Variants in ACBD6 observed in about 807,000 individuals in gnomAD.
ACBD6 encodes acyl-CoA binding domain containing 6.
A neutral mutation model predicts 37.2 loss-of-function variants in ACBD6; 28 were observed. That is an observed-to-expected ratio of 0.75 (90% CI 0.56 to 1.03). ACBD6 has a LOEUF of 1.03. Among genes scored for constraint, ACBD6 ranks in the 50% least tolerant of loss-of-function variants. ACBD6 has a pLI of 0.00. For missense variants in ACBD6, 340 were observed against 337.4 expected (o/e 1.01, Z -0.06); for synonymous variants, 113 against 126.8 (o/e 0.89, Z 0.73).
chr1:180,302,245 C>CAT (rs1276594263), intron 7 of ACBD6, among the ~76,000 whole-genome samples: 1 of 151,920 alleles, frequency 6.6e-6, no homozygotes, highest in Non-Finnish European at 1.5e-5. Flanking sequence ...CTAGTATCTA[C>CAT]ATATATTTTA....
Position 180,460,880 on chromosome 1 carries a change from G to A in ACBD6, c.385-30618C>T, listed in dbSNP as rs189686779. Among the ~76,000 whole-genome samples, 106 of 152,276 alleles carry A rather than the reference G, an allele frequency of 7.0e-4. 1 individual carries two copies. Among genetic ancestry groups the A allele is most frequent in the African/African-American group, 2.2e-3 (92 of 41,534 alleles). On this transcript the variant is annotated intron_variant, in intron 3 of 7. Coordinates refer to ENST00000367595, the MANE Select transcript of ACBD6 (RefSeq NM_032360.4). Reference sequence around the variant, plus strand: ...AACATCGCTGCTCCAGCAAGGGTTCGGACTGTGGCTGAGGCTGACATGGCT... The same window carrying A: ...AACATCGCTGCTCCAGCAAGGGTTCAGACTGTGGCTGAGGCTGACATGGCT...
chr1:180,290,434 C>T (rs190026851), intron 7 of ACBD6, among the ~76,000 whole-genome samples: 2 of 152,310 alleles, frequency 1.3e-5, no homozygotes, highest in African/African-American at 4.8e-5. Context: ...GCCTTGGCCT[C>T]CCAAAGTGCT....
At chr1:180,308,613 T>C (rs1328054268) in intron 7 of ACBD6, among the ~76,000 whole-genome samples, 1 of 152,230 alleles carries the variant, frequency 6.6e-6, no homozygotes, top group Non-Finnish European at 1.5e-5. Context: ...TGTTCTAATC[T>C]CTACCCCTTT....
chr1:180,369,002 G>A (rs1238377529), intron 6 of ACBD6, among the ~76,000 whole-genome samples: 3 of 152,078 alleles, frequency 2.0e-5, no homozygotes, highest in African/African-American at 7.2e-5. Flanking sequence ...TCCTTTATAG[G>A]GAACTCATTT....
chr1:180,271,268 C>A, exon 14 of ACBD6: 2 of 1,233,780 alleles, frequency 1.6e-6, no homozygotes, highest in South Asian at 1.2e-5. Flanking sequence ...CTCGCGCTGT[C>A]CTGCCTACAG....
intron 3 of ACBD6, among the ~76,000 whole-genome samples, chr1:180,485,871 C>A (rs1651242881): frequency 6.6e-6 from 1 of 151,246 alleles, no homozygotes. Context: ...TTATACCCCA[C>A]TGAATAAAAG....
At chr1:180,393,466 T>C (rs1235857994) in intron 6 of ACBD6, among the ~76,000 whole-genome samples, 1 of 152,198 alleles carries the variant, frequency 6.6e-6, no homozygotes, top group African/African-American at 2.4e-5. Context: ...GCTGAGTTAG[T>C]ACCAAGATCT....
intron 6 of ACBD6, among the ~76,000 whole-genome samples, chr1:180,342,050 C>T (rs1652003252): frequency 6.6e-6 from 1 of 152,102 alleles, no homozygotes; most frequent in African/African-American, 2.4e-5. Flanking sequence ...CTTTTGTGTT[C>T]AGATGCTGTG....
intron 6 of ACBD6, among the ~76,000 whole-genome samples, chr1:180,391,796 C>T (rs1174988283): frequency 6.6e-6 from 1 of 152,190 alleles, no homozygotes; most frequent in East Asian, 1.9e-4. Flanking sequence ...CAATTCTACT[C>T]CTAGGTATAC....
chr1:180,348,381 G>A (rs1483725284), intron 6 of ACBD6, among the ~76,000 whole-genome samples: 1 of 152,206 alleles, frequency 6.6e-6, no homozygotes, highest in Non-Finnish European at 1.5e-5. Context: ...AAAAATGAAC[G>A]GAAATGATCA....
intron 6 of ACBD6, among the ~76,000 whole-genome samples, chr1:180,372,331 T>C (rs1289161683): frequency 6.6e-6 from 1 of 152,148 alleles, no homozygotes; most frequent in African/African-American, 2.4e-5. Context: ...TGAAGTAGAT[T>C]AAATAAGTTA....
Position 180,340,810 on chromosome 1 carries a change from G to A in ACBD6, c.664-26088C>T, listed in dbSNP as rs570174602. Among the ~76,000 whole-genome samples, 5 of 152,216 alleles carry A rather than the reference G, an allele frequency of 3.3e-5. No individual in the cohort carries two copies. In the South Asian group the frequency reaches 1.0e-3, roughly 32 times the overall value. On this transcript the variant is annotated intron_variant, in intron 6 of 7. Transcript: ENST00000367595. The stretch of plus-strand genomic sequence containing the variant: ...AAGCACAGATGCAGGTAAGTCAGTA[G>A]ATATGGTAGTGAGAATTTGCGGAAG...
intron 6 of ACBD6, among the ~76,000 whole-genome samples, chr1:180,318,500 T>C (rs1040066471): frequency 3.3e-5 from 5 of 152,196 alleles, no homozygotes; most frequent in African/African-American, 1.2e-4. Flanking sequence ...TGAAAAAATC[T>C]GTACTGTGCT....
At chr1:180,384,627 AC>A in intron 6 of ACBD6, among the ~76,000 whole-genome samples, 1 of 152,338 alleles carries the variant, frequency 6.6e-6, no homozygotes, top group East Asian at 1.9e-4. Flanking sequence ...ACTAACATAC[AC>A]TTCAGCAATC....
At chr1:180,270,972 G>C (rs916397571) in exon 14 of ACBD6, 2 of 308,764 alleles carry the variant, frequency 6.5e-6, no homozygotes, top group Non-Finnish European at 1.3e-5. Flanking sequence ...GAGGGCATCT[G>C]GGGCGACTTT....
At chr1:180,416,080 C>A (rs1007472990) in intron 4 of ACBD6, among the ~76,000 whole-genome samples, 2 of 152,002 alleles carry the variant, frequency 1.3e-5, no homozygotes, top group African/African-American at 2.4e-5. Flanking sequence ...GGCTGAATGA[C>A]GAATATAAAA....
intron 3 of ACBD6, among the ~76,000 whole-genome samples, chr1:180,453,305 A>G (rs946729005): frequency 2.0e-5 from 3 of 152,264 alleles, no homozygotes; most frequent in Non-Finnish European, 4.4e-5. Flanking sequence ...AACAGAACCA[A>G]TGACAAAAAC....
intron 3 of ACBD6, among the ~76,000 whole-genome samples, chr1:180,448,908 T>C (rs1373294858): frequency 6.6e-6 from 1 of 152,188 alleles, no homozygotes; most frequent in Non-Finnish European, 1.5e-5. Flanking sequence ...GTTACAGATA[T>C]TGCTCAAGAG....
At chr1:180,299,789 G>A (rs1650061836) in intron 7 of ACBD6, among the ~76,000 whole-genome samples, 1 of 152,012 alleles carries the variant, frequency 6.6e-6, no homozygotes, top group African/African-American at 2.4e-5. Flanking sequence ...AGGAAGAGGA[G>A]GGGAAGGCTA....
Sources: gnomAD v4.1 joint callset for allele counts (sites outside exome capture counted in the v4.1 genomes callset) on GRCh38, gnomAD v4.1.1 for gene constraint, MANE v1.5 for transcripts, NCBI Gene and HGNC (gene_info 2026-07-23, HGNC 2026-07-21) for gene names.